DCAF6: variants seen among roughly 807,000 people sequenced by gnomAD.
The protein encoded by DCAF6 is DDB1 and CUL4 associated factor 6.
A neutral mutation model predicts 125.1 loss-of-function variants in DCAF6; 54 were observed. That is an observed-to-expected ratio of 0.43 (90% CI 0.35 to 0.54). DCAF6 has a LOEUF of 0.54. DCAF6 is among the 20% of genes least tolerant of loss of function. The pLI, the probability that DCAF6 is intolerant of heterozygous loss-of-function variation, is 0.01. For synonymous variants in DCAF6, 371 were observed against 390.4 expected, an observed-to-expected ratio of 0.95 and a Z score of 0.58; for missense variants, 934 against 1,161.7, an observed-to-expected ratio of 0.80 and a Z score of 2.85.
the DCAF6 span, among the ~76,000 whole-genome samples, chr1:167,912,648 C>T: frequency 1.3e-5 from 2 of 152,228 alleles, no homozygotes; most frequent in Non-Finnish European, 2.9e-5. Flanking sequence ...CTCCCTCTGT[C>T]TCTGTATGGG....
intron 4 of DCAF6, 28 bp downstream of exon 4, chr1:167,975,043 T>A (rs369044688): frequency 2.8e-6 from 4 of 1,408,862 alleles, no homozygotes; most frequent in Non-Finnish European, 3.8e-6. Flanking sequence ...TTATATGATA[T>A]ATATGTAAGT....
chr1:167,925,144 C>T, the DCAF6 span, among the ~76,000 whole-genome samples: 7 of 152,070 alleles, frequency 4.6e-5, no homozygotes, highest in South Asian at 8.3e-4. Flanking sequence ...TTGTCCCTCT[C>T]GAATTCACAG....
At chr1:167,904,946 G>T in the DCAF6 span, 3 of 1,613,846 alleles carry the variant, frequency 1.9e-6, no homozygotes, top group Admixed American at 5.0e-5. Flanking sequence ...ATTCCCACGC[G>T]AGCCTGTTGC....
chr1:167,933,002 A>G (rs1484428080), upstream of DCAF6, among the ~76,000 whole-genome samples: 1 of 151,998 alleles, frequency 6.6e-6, no homozygotes, highest in Non-Finnish European at 1.5e-5. Flanking sequence ...GAACTTGACC[A>G]GGACACACAT....
intron 13 of DCAF6, among the ~76,000 whole-genome samples, chr1:168,040,333 TGAG>T (rs1688365027): frequency 6.6e-6 from 1 of 151,794 alleles, no homozygotes. Flanking sequence ...GCCAGGAAAT[TGAG>T]GAGGATATTT....
At chr1:167,902,060 A>G in the DCAF6 span, 4 of 518,474 alleles carry the variant, frequency 7.7e-6, no homozygotes, top group African/African-American at 7.9e-5. Flanking sequence ...CACTTCTGAG[A>G]AAAAAAAAAA....
At chr1:168,017,295 A>C (rs1340442435) in intron 11 of DCAF6, among the ~76,000 whole-genome samples, 1 of 151,976 alleles carries the variant, frequency 6.6e-6, no homozygotes. Flanking sequence ...TGAAACCTAA[A>C]AGTCAATAGA....
intron 12 of DCAF6, chr1:168,023,399 A>ACTAC (rs975306142): frequency 7.2e-5 from 21 of 292,700 alleles, no homozygotes; most frequent in Middle Eastern, 1.1e-3. Flanking sequence ...CTCGTTGCTT[A>ACTAC]TGTAGGATAA....
chr1:167,864,812 C>T, the DCAF6 span, among the ~76,000 whole-genome samples: 19 of 151,642 alleles, frequency 1.3e-4, no homozygotes, highest in Non-Finnish European at 1.8e-4. Flanking sequence ...GCACTGAGGC[C>T]TTCCTATCAA....
chr1:167,972,892 T>C (rs765424181), intron 3 of DCAF6, among the ~76,000 whole-genome samples: 39 of 152,210 alleles, frequency 2.6e-4, no homozygotes, highest in Non-Finnish European at 4.7e-4. Context: ...AAGGGAATGC[T>C]TTTCAATTTA....
intron 10 of DCAF6, among the ~76,000 whole-genome samples, chr1:168,009,650 T>G (rs1055100993): frequency 8.6e-5 from 13 of 151,970 alleles, no homozygotes; most frequent in Non-Finnish European, 1.0e-4. Flanking sequence ...CTCTGTATGC[T>G]TGGGAAGCCC....
At chr1:167,957,627 A>G (rs1043795612) in intron 2 of DCAF6, among the ~76,000 whole-genome samples, 9 of 152,084 alleles carry the variant, frequency 5.9e-5, no homozygotes, top group South Asian at 2.1e-4. Flanking sequence ...TAAGTTTTCA[A>G]TTATCTTGGC....
At chr1:168,055,331 G>GTTT (rs554861802) in intron 17 of DCAF6, among the ~76,000 whole-genome samples, 427 of 31,600 alleles carry the variant, frequency 0.014, 47 homozygotes, top group Middle Eastern at 0.022. Flanking sequence ...TCAGGCTTAA[G>GTTT]TTTTTTTTTT....
the DCAF6 span, among the ~76,000 whole-genome samples, chr1:167,876,442 T>C: frequency 1.1e-4 from 17 of 152,140 alleles, no homozygotes; most frequent in Non-Finnish European, 2.5e-4. Flanking sequence ...AGAAGCCTTT[T>C]AGTCAAAATG....
chr1:167,911,059 G>A, the DCAF6 span, among the ~76,000 whole-genome samples: 1 of 152,218 alleles, frequency 6.6e-6, no homozygotes, highest in South Asian at 2.1e-4. Flanking sequence ...TGGATGGAAA[G>A]TGGGTTAGGT....
chr1:167,925,379 A>G, the DCAF6 span, among the ~76,000 whole-genome samples: 6 of 148,600 alleles, frequency 4.0e-5, no homozygotes, highest in Non-Finnish European at 1.5e-5. Flanking sequence ...AGCAGTTTAT[A>G]CTAACATTTA....
the DCAF6 span, among the ~76,000 whole-genome samples, chr1:167,909,226 G>A: frequency 6.6e-6 from 1 of 152,056 alleles, no homozygotes; most frequent in Non-Finnish European, 1.5e-5. Flanking sequence ...CATTTTCAAT[G>A]CTATATAGTA....
chr1:167,867,591 C>T, the DCAF6 span, among the ~76,000 whole-genome samples: 1 of 152,116 alleles, frequency 6.6e-6, no homozygotes, highest in South Asian at 2.1e-4. Context: ...TGTTATGACC[C>T]ATTTTAAGCC....
At chr1:167,903,436 C>T in the DCAF6 span, among the ~76,000 whole-genome samples, 13 of 151,670 alleles carry the variant, frequency 8.6e-5, no homozygotes, top group Non-Finnish European at 1.5e-4. Flanking sequence ...TGGGGGCGGG[C>T]GCCTGTAATC....
Sources: gnomAD v4.1 joint callset for allele counts (sites outside exome capture counted in the v4.1 genomes callset) on GRCh38, gnomAD v4.1.1 for gene constraint, MANE v1.5 for transcripts, NCBI Gene and HGNC (gene_info 2026-07-23, HGNC 2026-07-21) for gene names.